Variants in MLIP observed in about 807,000 individuals in gnomAD.
MLIP encodes muscular LMNA interacting protein.
MLIP carries 79 observed loss-of-function variants against 84.8 expected under a neutral mutation model. The ratio of observed to expected loss-of-function variants is 0.93; its 90% CI spans 0.78 to 1.12. MLIP has a LOEUF of 1.12. Ranked by LOEUF, MLIP falls within the 50% of genes most tolerant of loss-of-function variation. MLIP has a pLI of 0.00. For missense variants in MLIP, 1,257 were observed against 1,160.6 expected (o/e 1.08, Z -1.21); for synonymous variants, 504 against 463.0 (o/e 1.09, Z -1.14).
At chr6:54,084,892 A>G (rs893006393) in intron 1 of MLIP, among the ~76,000 whole-genome samples, 6 of 152,314 alleles carry the variant, frequency 3.9e-5, no homozygotes, top group African/African-American at 1.4e-4. Context: ...TCTGTCTAAA[A>G]GTTGTATATG....
At chr6:54,118,062 T>C (rs765352003) in intron 1 of MLIP, among the ~76,000 whole-genome samples, 1 of 152,166 alleles carries the variant, frequency 6.6e-6, no homozygotes, top group Non-Finnish European at 1.5e-5. Flanking sequence ...GTTCATGAAT[T>C]GGAAGAATAA....
At chr6:54,171,815 AATTT>A (rs1775799234) in intron 9 of MLIP, among the ~76,000 whole-genome samples, 4 of 151,524 alleles carry the variant, frequency 2.6e-5, no homozygotes, top group Non-Finnish European at 4.4e-5. Flanking sequence ...TTAATTAATT[AATTT>A]ATCACTATAT....
Position 54,193,310 on chromosome 6 carries a change from A to G in MLIP, c.2589+3396A>G, listed in dbSNP as rs368741075. On this transcript the variant is annotated intron_variant, in intron 10 of 13. Coordinates refer to ENST00000502396, the MANE Select transcript of MLIP (RefSeq NM_001281747.2). Reference sequence around the variant, plus strand: ...TGGAATAACGACTCTGTCAGCCTGAAGGGATTATTGTGAGGCTCACATATC... The same window carrying G: ...TGGAATAACGACTCTGTCAGCCTGAGGGGATTATTGTGAGGCTCACATATC... Among the ~76,000 whole-genome samples, 314 of 152,326 alleles carry G rather than the reference A, an allele frequency of 2.1e-3. 2 individuals carry two copies. The highest frequency in any genetic ancestry group is 7.2e-3 in the African/African-American group (299 of 41,588).
chr6:54,076,192 C>A (rs113121084), intron 1 of MLIP, among the ~76,000 whole-genome samples: 22 of 152,276 alleles, frequency 1.4e-4, no homozygotes, highest in African/African-American at 5.1e-4. Context: ...TCCCCATGAG[C>A]CGAAATCAAT....
At chr6:54,240,163 T>C (rs1408317767) in intron 12 of MLIP, among the ~76,000 whole-genome samples, 4 of 152,236 alleles carry the variant, frequency 2.6e-5, no homozygotes, top group Non-Finnish European at 4.4e-5. Flanking sequence ...ATCACTATTA[T>C]AGAATTGTTA....
intron 13 of MLIP, among the ~76,000 whole-genome samples, chr6:54,264,798 T>C (rs1043431928): frequency 6.6e-6 from 1 of 152,234 alleles, no homozygotes; most frequent in African/African-American, 2.4e-5. Context: ...AAGCTACAGC[T>C]TACTTCTTAC....
chr6:54,042,540 G>A (rs185634272), intron 1 of MLIP, among the ~76,000 whole-genome samples: 1 of 152,100 alleles, frequency 6.6e-6, no homozygotes, highest in Non-Finnish European at 1.5e-5. Flanking sequence ...TCACCAGAAA[G>A]TCACAGTCTA....
intron 1 of MLIP, among the ~76,000 whole-genome samples, chr6:54,103,910 T>C (rs1192795243): frequency 6.6e-6 from 1 of 152,130 alleles, no homozygotes; most frequent in Non-Finnish European, 1.5e-5. Context: ...TTGGCTATCA[T>C]TGTTCTTTTC....
intron 10 of MLIP, among the ~76,000 whole-genome samples, chr6:54,195,766 C>T (rs1778250448): frequency 6.6e-6 from 1 of 152,022 alleles, no homozygotes; most frequent in African/African-American, 2.4e-5. Context: ...TTTCTGTCCC[C>T]AAGACTAATG....
chr6:54,238,439 T>C (rs1449401636), intron 12 of MLIP, among the ~76,000 whole-genome samples: 1 of 152,236 alleles, frequency 6.6e-6, no homozygotes. Flanking sequence ...TTTTATGCAC[T>C]TTGTTCTCTT....
chr6:54,023,313 A>G (rs1364396079), intron 1 of MLIP, among the ~76,000 whole-genome samples: 3 of 151,812 alleles, frequency 2.0e-5, no homozygotes, highest in Admixed American at 2.0e-4. Context: ...GTAAAAAAGC[A>G]ACTCTTTGAG....
chr6:54,237,945 G>A (rs944527827), intron 12 of MLIP, among the ~76,000 whole-genome samples: 5 of 152,012 alleles, frequency 3.3e-5, no homozygotes, highest in African/African-American at 9.7e-5. Flanking sequence ...AACAAGAAAG[G>A]GTACAGAAGA....
chr6:54,238,396 G>C (rs1288274772), intron 12 of MLIP, among the ~76,000 whole-genome samples: 2 of 151,832 alleles, frequency 1.3e-5, no homozygotes, highest in African/African-American at 4.8e-5. Flanking sequence ...AATTCTTCTG[G>C]CCTACTTTCA....
chr6:54,022,070 G>A (rs1483566835), intron 1 of MLIP, among the ~76,000 whole-genome samples: 3 of 152,200 alleles, frequency 2.0e-5, no homozygotes, highest in African/African-American at 4.8e-5. Flanking sequence ...TTGCTGTTGA[G>A]GTTGAATGGA....
intron 1 of MLIP, among the ~76,000 whole-genome samples, chr6:54,103,242 T>A (rs981110209): frequency 6.6e-6 from 1 of 152,152 alleles, no homozygotes; most frequent in Admixed American, 6.6e-5. Context: ...ACTGAACATA[T>A]GTATGTGTCA....
intron 11 of MLIP, among the ~76,000 whole-genome samples, chr6:54,212,024 A>G (rs562945808): frequency 2.3e-4 from 35 of 152,334 alleles, no homozygotes; most frequent in African/African-American, 7.7e-4. Context: ...AATTCGTCAT[A>G]TTCCAAATAT....
chr6:54,109,254 A>G (rs924828136), upstream of MLIP, among the ~76,000 whole-genome samples: 1 of 151,648 alleles, frequency 6.6e-6, no homozygotes, highest in Admixed American at 6.6e-5. Context: ...CTTTATTCTC[A>G]TTTATGTTAT....
At chr6:54,120,323 C>T (rs1274303325) in intron 1 of MLIP, among the ~76,000 whole-genome samples, 1 of 152,058 alleles carries the variant, frequency 6.6e-6, no homozygotes, top group Non-Finnish European at 1.5e-5. Flanking sequence ...CAAGCTCCGC[C>T]TCCTGGGTTC....
At chr6:54,148,849 A>G (rs1400843322) in intron 4 of MLIP, among the ~76,000 whole-genome samples, 1 of 152,166 alleles carries the variant, frequency 6.6e-6, no homozygotes, top group Non-Finnish European at 1.5e-5. Flanking sequence ...CTAGGCTGAT[A>G]TTTTACTGTG....
Sources: allele counts gnomAD v4.1 joint callset (sites outside exome capture counted in the v4.1 genomes callset), GRCh38; gene constraint gnomAD v4.1.1; transcripts MANE v1.5; gene names NCBI Gene and HGNC (gene_info 2026-07-23, HGNC 2026-07-21).